Variants in NTM observed in about 807,000 individuals in gnomAD.
NTM encodes the protein neurotrimin, also known as IgLON family member 2.
Under a neutral mutation model 42.1 loss-of-function variants are expected in NTM, and 13 were observed. The observed-to-expected ratio is 0.31, with a 90% CI of 0.20 to 0.49. The LOEUF is 0.49. Ranked by LOEUF, NTM falls within the 20% of genes least tolerant of loss-of-function variation. The pLI, the probability that NTM is intolerant of heterozygous loss-of-function variation, is 0.99. For missense variants in NTM, 373 were observed against 452.8 expected (o/e 0.82, Z 1.60); for synonymous variants, 187 against 179.2 (o/e 1.04, Z -0.35).
At chr11:132,271,048 C>T (rs1253335729) in intron 4 of NTM, among the ~76,000 whole-genome samples, 1 of 152,126 alleles carries the variant, frequency 6.6e-6, no homozygotes, top group African/African-American at 2.4e-5. Flanking sequence ...GAAACCCATA[C>T]CTTTTGTAAG....
At position 131,741,022 on chromosome 11, in the gene NTM, G is replaced by A. The variant is rs576246511; in HGVS notation, c.83-170542G>A. 1.8e-4 allele frequency among the ~76,000 whole-genome samples: 27 copies of A among 152,118 alleles called. No homozygotes were observed. The East Asian group carries it at 4.1e-3, about 23-fold the overall frequency. ...TCTGCTAAAACTAGAAAAATTAACC[G>A]GGCATGGTGGCAAGTGCCTGTAATC... is the stretch of plus-strand genomic sequence containing the variant. On this transcript the variant is annotated intron_variant, in intron 1 of 8. Transcript: ENST00000683400.
At chr11:132,180,115 A>T (rs749854734) in intron 3 of NTM, among the ~76,000 whole-genome samples, 3 of 152,318 alleles carry the variant, frequency 2.0e-5, no homozygotes, top group African/African-American at 4.8e-5. Context: ...TTGATTGTCT[A>T]TGGAGAGAAA....
At chr11:131,462,874 A>ACCTTCTCCCTAGAGCAGGCCCACCTAGGG (rs1951532373) in intron 1 of NTM, among the ~76,000 whole-genome samples, 1 of 152,220 alleles carries the variant, frequency 6.6e-6, no homozygotes, top group African/African-American at 2.4e-5. Flanking sequence ...GTGGTCCACC[A>ACCTTCTCCCTAGAGCAGGCCCACCTAGGG]TGGCTTGTGC....
chr11:132,247,381 A>G (rs1455617210), intron 4 of NTM, among the ~76,000 whole-genome samples: 1 of 152,218 alleles, frequency 6.6e-6, no homozygotes, highest in Non-Finnish European at 1.5e-5. Flanking sequence ...CTGTTTTTAC[A>G]TCGCAAAAAT....
intron 2 of NTM, chr11:131,981,186 C>G (rs564495468): frequency 6.6e-6 from 1 of 152,220 alleles, no homozygotes; most frequent in African/African-American, 2.4e-5. Context: ...CAATGTGAGC[C>G]CTTTGGGAAT....
chr11:132,331,836 G>A (rs1039015740), intron 8 of NTM, among the ~76,000 whole-genome samples: 2 of 152,180 alleles, frequency 1.3e-5, no homozygotes, highest in African/African-American at 4.8e-5. Context: ...ACATATTTCG[G>A]ACGGAGGGGA....
chr11:131,992,727 T>G (rs1274806376), intron 2 of NTM, among the ~76,000 whole-genome samples: 1 of 152,126 alleles, frequency 6.6e-6, no homozygotes, highest in Non-Finnish European at 1.5e-5. Flanking sequence ...ACAAATTCAC[T>G]TTGAAAGGAA....
chr11:131,754,528 G>C (rs1188021224), intron 1 of NTM, among the ~76,000 whole-genome samples: 1 of 151,880 alleles, frequency 6.6e-6, no homozygotes, highest in Non-Finnish European at 1.5e-5. Flanking sequence ...GGGAGGCTGA[G>C]GCAAGAGAAT....
chr11:131,600,792 C>G (rs2060415126), intron 1 of NTM, among the ~76,000 whole-genome samples: 1 of 152,126 alleles, frequency 6.6e-6, no homozygotes, highest in South Asian at 2.1e-4. Context: ...GTGTAAGAGG[C>G]CCATAATCCC....
intron 1 of NTM, among the ~76,000 whole-genome samples, chr11:131,908,327 T>C: frequency 6.6e-6 from 1 of 152,268 alleles, no homozygotes; most frequent in East Asian, 1.9e-4. Flanking sequence ...AATGGATTTC[T>C]AAGTATTTTC....
chr11:131,896,829 C>G (rs2052359070), intron 1 of NTM, among the ~76,000 whole-genome samples: 1 of 151,916 alleles, frequency 6.6e-6, no homozygotes, highest in Non-Finnish European at 1.5e-5. Flanking sequence ...GCTGGGACTA[C>G]AGGCGCCCGC....
intron 2 of NTM, among the ~76,000 whole-genome samples, chr11:132,007,362 C>A (rs1002645956): frequency 6.6e-6 from 1 of 152,060 alleles, no homozygotes; most frequent in African/African-American, 2.4e-5. Flanking sequence ...CAAATAAGAC[C>A]GCCAGCTGAT....
intron 3 of NTM, among the ~76,000 whole-genome samples, chr11:132,160,273 G>A (rs1006104310): frequency 6.6e-6 from 1 of 152,192 alleles, no homozygotes; most frequent in Non-Finnish European, 1.5e-5. Context: ...AAAGCTTCCT[G>A]TGATTGAGTC....
chr11:132,254,338 A>G (rs546009842), intron 4 of NTM, among the ~76,000 whole-genome samples: 22 of 150,952 alleles, frequency 1.5e-4, no homozygotes, highest in African/African-American at 4.4e-4. Flanking sequence ...TATTTCTGTG[A>G]TTCCTCTCTT....
At chr11:131,765,224 A>T (rs1414064296) in intron 1 of NTM, among the ~76,000 whole-genome samples, 8 of 152,188 alleles carry the variant, frequency 5.3e-5, no homozygotes, top group African/African-American at 1.7e-4. Flanking sequence ...TGCAAAGCTG[A>T]TGCCATTATT....
intron 4 of NTM, among the ~76,000 whole-genome samples, chr11:132,271,035 A>G (rs2093451915): frequency 6.6e-6 from 1 of 152,110 alleles, no homozygotes; most frequent in South Asian, 2.1e-4. Context: ...ATCATCCCCA[A>G]CAGAAACCCA....
At chr11:131,383,533 A>G (rs904607277) in intron 1 of NTM, among the ~76,000 whole-genome samples, 48 of 152,196 alleles carry the variant, frequency 3.2e-4, no homozygotes, top group African/African-American at 1.1e-3. Flanking sequence ...GCTAACGTCT[A>G]CAGGGAAGAG....
At chr11:131,452,079 G>A (rs34444450) in intron 1 of NTM, among the ~76,000 whole-genome samples, 5,013 of 152,308 alleles carry the variant, frequency 0.033, 126 homozygotes, top group Non-Finnish European at 0.05. Context: ...TTTGGACCCT[G>A]GATTTGCACC....
At chr11:131,970,887 C>A (rs906065494) in intron 2 of NTM, among the ~76,000 whole-genome samples, 2 of 152,174 alleles carry the variant, frequency 1.3e-5, no homozygotes, top group Non-Finnish European at 2.9e-5. Flanking sequence ...CTTCCCACAC[C>A]AAAGCGTTTC....
Sources: allele counts gnomAD v4.1 joint callset (sites outside exome capture counted in the v4.1 genomes callset), GRCh38; gene constraint gnomAD v4.1.1; transcripts MANE v1.5; gene names NCBI Gene and HGNC (gene_info 2026-07-23, HGNC 2026-07-21).